NCR1: variants seen among roughly 807,000 people sequenced by gnomAD.
NCR1 encodes NK cell-activating receptor.
NCR1 carries 30 observed loss-of-function variants against 32.5 expected under a neutral mutation model. The ratio of observed to expected loss-of-function variants is 0.92; its 90% CI spans 0.69 to 1.25. NCR1 has a LOEUF of 1.25. Ranked by LOEUF, NCR1 falls within the 50% of genes most tolerant of loss-of-function variation. NCR1 has a pLI of 0.00. For synonymous variants in NCR1, 169 were observed against 143.4 expected, an observed-to-expected ratio of 1.18 and a Z score of -1.28; for missense variants, 369 against 380.7, an observed-to-expected ratio of 0.97 and a Z score of 0.26.
chr19:54,913,744 C>A (rs963552970), downstream of NCR1, among the ~76,000 whole-genome samples: 3 of 151,542 alleles, frequency 2.0e-5, no homozygotes, highest in Non-Finnish European at 2.9e-5. Flanking sequence ...CCAGCCTGGC[C>A]AACATGATGA....
rs112036207 is a variant in NCR1 at position 54,911,415 on chromosome 19, A to C, written c.683-753A>C. 4.4e-3 allele frequency among the ~76,000 whole-genome samples: 470 copies of C among 106,002 alleles called. 2 individuals are homozygous for C. The highest frequency in any genetic ancestry group is 0.013 in the African/African-American group (438 of 34,044). The allele number at this position is 106,002 out of a possible 152,430, so 69.5% of individuals were successfully genotyped here. On this transcript the variant is annotated intron_variant, in intron 5 of 6. Transcript: ENST00000291890. ...GAGACTTTGAATTTCACTATGTGTG[A>C]GGAGAAAGAGGTAATGATGACTTAA...
chr19:54,934,488 C>G, the NCR1 span: 1 of 1,614,014 alleles, frequency 6.2e-7, no homozygotes, highest in South Asian at 1.1e-5. This position sits in a 1 kb window ranked among gnomAD's most constrained non-coding sequence, Gnocchi z 6.7. Flanking sequence ...AGGAGACTTA[C>G]GACAACATCT....
the NCR1 span, among the ~76,000 whole-genome samples, chr19:54,929,045 C>T: frequency 6.6e-6 from 1 of 152,092 alleles, no homozygotes; most frequent in East Asian, 1.9e-4. Flanking sequence ...TGGCTTGAGG[C>T]TTGAAATATT....
rs1250731832 is a variant in NCR1 at position 54,906,576 on chromosome 19, G to T, written c.124G>T (p.Glu42Ter). Residue 42 changes from glutamate (E) to a stop codon, truncating the protein, a stop_gained, in exon 3 of 7, where the codon GAA becomes TAA. Transcript: ENST00000291890. LOFTEE classifies it high-confidence loss of function. ...WAEPHFMVPK[E>*]KQVTICCQGN... ...CGAGCCCCATTTCATGGTTCCAAAG[G>T]AAAAGCAAGTGACCATCTGTTGCCA... 5.0e-6 allele frequency: 8 copies of T among 1,613,342 alleles called. No individual in the cohort carries two copies. The highest frequency in any genetic ancestry group is 5.1e-6 in the Non-Finnish European group (6 of 1,180,048).
At chr19:54,930,453 C>T in the NCR1 span, 1 of 1,366,032 alleles carries the variant, frequency 7.3e-7, no homozygotes, top group East Asian at 2.3e-5. Context: ...CAGAGCAAGA[C>T]CCTGTCTCAA....
chr19:54,919,322 T>C (rs2068195767), downstream of NCR1, among the ~76,000 whole-genome samples: 1 of 152,182 alleles, frequency 6.6e-6, no homozygotes, highest in African/African-American at 2.4e-5. Flanking sequence ...ATTTATTGGA[T>C]ACAAGGCAGA....
At chr19:54,903,419 C>CATGTATGTATATACATAT (rs1569535616), upstream of NCR1, among the ~76,000 whole-genome samples, 161 of 128,602 alleles carry the variant, frequency 1.3e-3, 10 homozygotes, top group African/African-American at 4.6e-3. Flanking sequence ...TACACGCATA[C>CATGTATGTATATACATAT]ATGTATGTAT....
intron 3 of NCR1, among the ~76,000 whole-genome samples, chr19:54,908,717 C>CA (rs2067777937): frequency 6.8e-6 from 1 of 146,382 alleles, no homozygotes; most frequent in African/African-American, 2.5e-5. Context: ...CTCACTGCAA[C>CA]CTCTGCCTCA....
upstream of NCR1, among the ~76,000 whole-genome samples, chr19:54,902,146 T>G (rs1331087708): frequency 1.3e-5 from 2 of 152,194 alleles, no homozygotes; most frequent in Non-Finnish European, 2.9e-5. Context: ...GTCCTTGGTT[T>G]TGGGAAATAT....
At chr19:54,923,973 T>G in the NCR1 span, 1 of 1,268,874 alleles carries the variant, frequency 7.9e-7, no homozygotes. Context: ...GAAACGTTTT[T>G]GGGATTTTCT....
chr19:54,918,165 C>T (rs1411861472), downstream of NCR1, among the ~76,000 whole-genome samples: 1 of 151,916 alleles, frequency 6.6e-6, no homozygotes, highest in Non-Finnish European at 1.5e-5. Flanking sequence ...TCGATCTGAC[C>T]TCGTGATCCT....
At position 54,906,666 on chromosome 19, in the gene NCR1, C is replaced by G. The variant is rs756671961; in HGVS notation, c.214C>G (p.Pro72Ala). ...AGGAAGCCTTTTTGCCGTGGACAGA[C>G]CAAAACCCCCTGAGCGGATTAACAA... ...FEGSLFAVDRPKPPERINKVQ... is the reference protein window; with the variant it reads ...FEGSLFAVDRAKPPERINKVQ... The change falls in exon 3 of 7, where the codon CCA (proline) becomes GCA (alanine). Residue 72 changes from proline to alanine, a missense_variant. Pro to Ala is a conservative substitution (Grantham distance 27, BLOSUM62 -1). Transcript: ENST00000291890. The G allele has an allele frequency of 1.9e-6, 3 of 1,614,056 alleles. No individual in the cohort carries two copies. Among genetic ancestry groups the G allele is most frequent in the African/African-American group, 2.7e-5 (2 of 74,918 alleles).
chr19:54,902,713 C>T (rs587659801), upstream of NCR1, among the ~76,000 whole-genome samples: 5 of 152,294 alleles, frequency 3.3e-5, no homozygotes, highest in African/African-American at 9.6e-5. Context: ...ATCCAGCCTA[C>T]ATAAGTCTCC....
In NCR1 at chr19:54,906,538, C is replaced by T. The variant is rs2067622968; in HGVS notation, c.86C>T (p.Pro29Leu). 1.9e-6 allele frequency: 3 copies of T among 1,608,750 alleles called. No individual in the cohort carries two copies. Among genetic ancestry groups the T allele is most frequent in the Non-Finnish European group, 2.5e-6 (3 of 1,179,960 alleles). Residue 29 changes from proline (P) to leucine (L), a missense_variant, in exon 3 of 7, where the codon CCG (proline) becomes CTG (leucine). By Grantham distance (98) the Pro-to-Leu change is moderately conservative. Transcript: ENST00000291890. Reference sequence around the variant, plus strand: ...TCCCTTCCAGAGACTCTCCCAAAACCGTTCATCTGGGCCGAGCCCCATTTC... The same window carrying T: ...TCCCTTCCAGAGACTCTCCCAAAACTGTTCATCTGGGCCGAGCCCCATTTC... ...ISAQQQTLPK[P>L]FIWAEPHFMV...
the NCR1 span, among the ~76,000 whole-genome samples, chr19:54,932,318 C>T: frequency 6.6e-6 from 1 of 151,754 alleles, no homozygotes; most frequent in African/African-American, 2.4e-5. Flanking sequence ...ATCCCAGCTA[C>T]TTGGGAGGCT....
downstream of NCR1, among the ~76,000 whole-genome samples, chr19:54,919,413 T>C (rs201993472): frequency 0.074 from 11,219 of 151,864 alleles, 136 homozygotes; most frequent in Middle Eastern, 0.22. Context: ...CAGGGGGCCC[T>C]TCCCTGCCTG....
At chr19:54,935,409 A>G in the NCR1 span, among the ~76,000 whole-genome samples, 5 of 152,084 alleles carry the variant, frequency 3.3e-5, no homozygotes, top group Non-Finnish European at 5.9e-5. Flanking sequence ...TAAAAATTTT[A>G]TCCTGGCCAG....
At chr19:54,925,143 C>G in the NCR1 span, among the ~76,000 whole-genome samples, 1 of 152,018 alleles carries the variant, frequency 6.6e-6, no homozygotes, top group East Asian at 1.9e-4. Flanking sequence ...TGGCCTCAAA[C>G]AATCCTCCCA....
chr19:54,906,217 C>T lies in NCR1; in HGVS notation c.30C>T (p.Cys10=), dbSNP rs371994983. 1.9e-6 allele frequency: 3 copies of T among 1,614,154 alleles called. No homozygotes were observed. Among genetic ancestry groups the T allele is most frequent in the South Asian group, 2.2e-5 (2 of 91,084 alleles). ...CTTCCACACTCCCTGCCCTGCTCTG[C>T]GTCGGTGAGTTCTGGCGTGGAAGGG... is the stretch of plus-strand genomic sequence containing the variant. MSSTLPALL[C]VGLCLSQRIS... Residue 10 remains cysteine (C), a synonymous_variant, in exon 1 of 7, where the codon TGC becomes TGT. Coordinates refer to ENST00000291890, the MANE Select transcript of NCR1 (RefSeq NM_004829.7).
Sources: gnomAD v4.1 joint callset for allele counts (sites outside exome capture counted in the v4.1 genomes callset) on GRCh38, gnomAD v4.1.1 for gene constraint, Gnocchi (gnomAD v3.1) non-coding constraint, MANE v1.5 for transcripts, NCBI Gene and HGNC (gene_info 2026-07-23, HGNC 2026-07-21) for gene names.